The following TNFSF11 variants were observed in gnomAD, a reference collection of about 807,000 sequenced individuals.
The protein encoded by TNFSF11 is TNF superfamily member 11.
In TNFSF11, 12 loss-of-function variants were observed where a neutral mutation model predicts 32.2. The observed-to-expected ratio is 0.37, with a 90% CI of 0.24 to 0.60. The LOEUF (loss-of-function observed/expected upper bound fraction) is 0.60. Among genes scored for constraint, TNFSF11 ranks in the 20% least tolerant of loss-of-function variants. The pLI, the probability that TNFSF11 is intolerant of heterozygous loss-of-function variation, is 0.66. For missense variants in TNFSF11, 345 were observed against 398.0 expected (o/e 0.87, Z 1.13); for synonymous variants, 172 against 152.1 (o/e 1.13, Z -0.96).
Position 42,606,814 on chromosome 13 carries a change from C to T in TNFSF11, c.850C>T (p.Arg284Trp), listed in dbSNP as rs150392469. The T allele has an allele frequency of 1.3e-4, 217 of 1,613,242 alleles. No homozygotes were observed. The highest frequency in any genetic ancestry group is 1.8e-4 in the Non-Finnish European group (215 of 1,179,596). The change falls in exon 5 of 5, where the codon CGG (arginine) becomes TGG (tryptophan). Residue 284 changes from arginine (R) to tryptophan (W), a missense_variant. Transcript: ENST00000398795. ...SINVGGFFKL[R>W]SGEEISIEVS... ...AAACGTTGGTGGATTTTTTAAGTTA[C>T]GGTCTGGAGAGGAAATCAGCATCGA...
upstream of TNFSF11, chr13:42,574,138 C>A: frequency 1.2e-6 from 1 of 855,010 alleles, no homozygotes. Context: ...AGAGTTGGGG[C>A]TGCCGGGCGC....
rs372944045 is a variant in TNFSF11, at chr13:42,581,293, G to T, written c.387G>T (p.Lys129Asn). ...AGGCCTTTCAAGGAGCTGTGCAAAA[G>T]GTAAGTCCACATCGAGGCTGATAAG... ...IKQAFQGAVQ[K>N]ELQHIVGSQH... The change falls in exon 2 of 5, where the codon AAG (lysine) becomes AAT (asparagine). Residue 129 changes from lysine to asparagine, a missense_variant and splice_region_variant. Physicochemically the swap from Lys to Asn is moderately conservative, Grantham distance 94 (BLOSUM62 0). Coordinates refer to ENST00000398795, the MANE Select transcript of TNFSF11 (RefSeq NM_003701.4). 6 of 1,613,878 alleles carry T rather than the reference G, an allele frequency of 3.7e-6. No individual in the cohort carries two copies. In the African/African-American group the frequency reaches 5.3e-5, roughly 14 times the overall value.
chr13:42,575,185 T>G (rs1038563631), intron 1 of TNFSF11, among the ~76,000 whole-genome samples: 1 of 152,158 alleles, frequency 6.6e-6, no homozygotes, highest in African/African-American at 2.4e-5. Context: ...CAGCCCCACG[T>G]GCCTGCTAGG....
intron 2 of TNFSF11, 39 bp downstream of exon 2, chr13:42,581,332 C>T (rs757904493): frequency 6.2e-7 from 1 of 1,608,478 alleles, no homozygotes; most frequent in Non-Finnish European, 8.5e-7. Flanking sequence ...AGGGCCCTTG[C>T]TGACTCTACC....
At chr13:42,594,929 T>C (rs1293766668) in intron 2 of TNFSF11, among the ~76,000 whole-genome samples, 1 of 149,280 alleles carries the variant, frequency 6.7e-6, no homozygotes, top group Non-Finnish European at 1.5e-5. Context: ...TTTTTATGAG[T>C]TAAATAGAAG....
At chr13:42,593,800 C>T (rs571041425) in intron 2 of TNFSF11, among the ~76,000 whole-genome samples, 4 of 152,188 alleles carry the variant, frequency 2.6e-5, no homozygotes, top group Non-Finnish European at 5.9e-5. Flanking sequence ...TTCAACCAGC[C>T]AGATGTCTCT....
chr13:42,590,993 C>G (rs939542841), intron 2 of TNFSF11, among the ~76,000 whole-genome samples: 8 of 152,212 alleles, frequency 5.3e-5, no homozygotes, highest in African/African-American at 1.9e-4. Context: ...TAGCAGACTT[C>G]TTTTGGAAGA....
intron 2 of TNFSF11, among the ~76,000 whole-genome samples, chr13:42,597,322 G>A (rs1484137094): frequency 6.9e-6 from 1 of 144,776 alleles, no homozygotes; most frequent in Non-Finnish European, 1.5e-5. Context: ...TTCATCCTGG[G>A]TCATGAAGCC....
intron 2 of TNFSF11, among the ~76,000 whole-genome samples, chr13:42,583,941 A>G (rs1873760439): frequency 6.6e-6 from 1 of 152,200 alleles, no homozygotes. Flanking sequence ...CAAGCAGGAT[A>G]AAATAAATCA....
chr13:42,566,431 G>A (rs1189465640), intron 1 of TNFSF11, among the ~76,000 whole-genome samples: 1 of 152,198 alleles, frequency 6.6e-6, no homozygotes, highest in Non-Finnish European at 1.5e-5. Flanking sequence ...GAGCTTGAAA[G>A]AGGGACTTGA....
chr13:42,595,299 TACTTATCTAAAATTGC>T (rs1339534139), intron 2 of TNFSF11, among the ~76,000 whole-genome samples: 2 of 152,248 alleles, frequency 1.3e-5, no homozygotes, highest in Non-Finnish European at 2.9e-5. Flanking sequence ...TATCATAATT[TACTTATCTAAAATTGC>T]ACTTATCTAA....
chr13:42,605,933 TAA>T (rs1317265109), intron 4 of TNFSF11, among the ~76,000 whole-genome samples: 1 of 152,184 alleles, frequency 6.6e-6, no homozygotes, highest in Non-Finnish European at 1.5e-5. Context: ...CTTCATGAGT[TAA>T]AAGAGAAGGT....
At chr13:42,576,918 C>T (rs965859441) in intron 1 of TNFSF11, among the ~76,000 whole-genome samples, 1 of 152,194 alleles carries the variant, frequency 6.6e-6, no homozygotes, top group African/African-American at 2.4e-5. Context: ...AATTCTTTCC[C>T]CTTTTATGTG....
At chr13:42,583,447 G>GAAAAAAAAAA in intron 2 of TNFSF11, among the ~76,000 whole-genome samples, 1 of 42,770 alleles carries the variant, frequency 2.3e-5, no homozygotes, top group Non-Finnish European at 5.5e-5. Flanking sequence ...AAGAAAGGAA[G>GAAAAAAAAAA]AAAGGAAGGA....
intron 1 of TNFSF11, among the ~76,000 whole-genome samples, chr13:42,575,438 G>GTGAA (rs1173126493): frequency 1.3e-5 from 2 of 152,170 alleles, no homozygotes; most frequent in Non-Finnish European, 2.9e-5. Context: ...GTCTGGTGCT[G>GTGAA]TGAACTCTTT....
intron 2 of TNFSF11, among the ~76,000 whole-genome samples, chr13:42,583,417 T>TAAAAAAAAAAAAAAAAAAAAAAAAAAA (rs71747752): frequency 8.1e-5 from 2 of 24,644 alleles, no homozygotes; most frequent in African/African-American, 3.9e-4. Flanking sequence ...AAGACCCTGC[T>TAAAAAAAAAAAAAAAAAAAAAAAAAAA]AAAAAAAAAA....
upstream of TNFSF11, among the ~76,000 whole-genome samples, chr13:42,569,586 AAGAG>A (rs373285702): frequency 2.0e-5 from 3 of 151,418 alleles, no homozygotes; most frequent in Admixed American, 6.6e-5. Context: ...AGAAAAGAGA[AAGAG>A]AGAGAGAGAT....
At chr13:42,589,465 T>G (rs1368271284) in intron 2 of TNFSF11, among the ~76,000 whole-genome samples, 1 of 152,110 alleles carries the variant, frequency 6.6e-6, no homozygotes, top group Non-Finnish European at 1.5e-5. Context: ...TCTGAACAGG[T>G]CATTTCTTTT....
chr13:42,586,999 T>C (rs189709191), intron 2 of TNFSF11, among the ~76,000 whole-genome samples: 90 of 152,346 alleles, frequency 5.9e-4, no homozygotes, highest in Non-Finnish European at 1.0e-3. Flanking sequence ...TTATTTGGTA[T>C]AGTCTGAGCT....
Sources: allele counts gnomAD v4.1 joint callset (sites outside exome capture counted in the v4.1 genomes callset), GRCh38; gene constraint gnomAD v4.1.1; transcripts MANE v1.5; gene names NCBI Gene and HGNC (gene_info 2026-07-23, HGNC 2026-07-21).